Variants in KARS1 observed in about 807,000 individuals in gnomAD.
KARS1 encodes the protein lysine--tRNA ligase.
Under a neutral mutation model 63.9 loss-of-function variants are expected in KARS1, and 50 were observed. The ratio of observed to expected loss-of-function variants is 0.78; its 90% CI spans 0.62 to 0.99. KARS1 has a LOEUF of 0.99. Among genes scored for constraint, KARS1 ranks in the 50% least tolerant of loss-of-function variants. KARS1 has a pLI of 0.00. For missense variants in KARS1, 816 were observed against 754.5 expected (o/e 1.08, Z -0.95); for synonymous variants, 320 against 264.6 (o/e 1.21, Z -2.03).
chr16:75,630,809 A>AT (rs1471697925), intron 10 of KARS1, among the ~76,000 whole-genome samples: 1 of 151,506 alleles, frequency 6.6e-6, no homozygotes, highest in Non-Finnish European at 1.5e-5. Flanking sequence ...TCATTTTTGG[A>AT]TTTTTTGTAG....
chr16:75,640,136 G>C lies in KARS1; in HGVS notation c.388+48C>G, dbSNP rs201048266. The C allele has an allele frequency of 8.4e-6, 13 of 1,551,580 alleles. No individual in the cohort carries two copies. The East Asian group carries it at 2.5e-4, about 29-fold the overall frequency. On this transcript the variant is annotated intron_variant, in intron 3 of 13. Coordinates refer to ENST00000302445, the MANE Select transcript of KARS1 (RefSeq NM_005548.3). The stretch of plus-strand genomic sequence containing the variant: ...CTTCCCTTGTGCTACTGAAGCCGCA[G>C]GCCTACCTGCTGTGGGAGTTCAGTG...
rs1485114241 is a variant in KARS1, at chr16:75,636,067, T to C, written c.514A>G (p.Ile172Val). 3.7e-6 allele frequency: 6 copies of C among 1,600,090 alleles called. No individual in the cohort carries two copies. In the African/African-American group the frequency reaches 8.0e-5, roughly 21 times the overall value. The change falls in exon 5 of 14, where the codon ATT becomes GTT. Residue 172 changes from isoleucine (I) to valine (V), a missense_variant. By Grantham distance (29) the Ile-to-Val change is conservative (BLOSUM62 3). Coordinates refer to ENST00000302445, the MANE Select transcript of KARS1 (RefSeq NM_005548.3). ...TCTCCCCGACGCAGTTTGTTATTAA[T>C]ATGAATAAATTCTTCTTCTGATTTA... Reference protein sequence around the residue: ...NYKSEEEFIHINNKLRRGDII... With the variant: ...NYKSEEEFIHVNNKLRRGDII...
intron 1 of KARS1, among the ~76,000 whole-genome samples, chr16:75,646,862 T>C (rs2082291396): frequency 6.6e-6 from 1 of 152,120 alleles, no homozygotes; most frequent in Non-Finnish European, 1.5e-5. Context: ...CTAGCAATGA[T>C]AAAACACTCA....
At chr16:75,639,248 G>C (rs1330748331) in intron 3 of KARS1, among the ~76,000 whole-genome samples, 1 of 151,936 alleles carries the variant, frequency 6.6e-6, no homozygotes, top group Non-Finnish European at 1.5e-5. Context: ...GTGTATCTGA[G>C]AATACTGAAC....
chr16:75,638,803 T>C (rs181645298), intron 3 of KARS1, among the ~76,000 whole-genome samples: 67 of 152,170 alleles, frequency 4.4e-4, no homozygotes, highest in African/African-American at 1.4e-3. Context: ...AGAATCAAGA[T>C]GATCCAGTAT....
intron 3 of KARS1, chr16:75,639,753 G>A (rs1463263924): frequency 5.9e-6 from 1 of 168,506 alleles, no homozygotes; most frequent in Non-Finnish European, 1.3e-5. Flanking sequence ...TTACTATTTG[G>A]TGGGAGAGGG....
rs1381793007 is a variant in KARS1, at chr16:75,628,604, C to T, written c.1660G>A (p.Val554Ile). Residue 554 changes from valine (V) to isoleucine (I), a missense_variant, in exon 13 of 14, where the codon GTC becomes ATC. Transcript: ENST00000302445. ...TAGWGMGIDR[V>I]AMFLTDSNNI... is the part of the protein sequence containing the mutation. ...TTGGAGTCCGTGAGAAACATGGCGA[C>T]TCGATCAATGCCCATGCCCCAGCCA... The T allele has an allele frequency of 1.4e-5, 23 of 1,614,100 alleles. No homozygotes were observed. Among genetic ancestry groups the T allele is most frequent in the Non-Finnish European group, 1.9e-5 (23 of 1,180,026 alleles).
At chr16:75,636,269 A>G (rs16941400) in intron 4 of KARS1, among the ~76,000 whole-genome samples, 171 bp from the exon 5 acceptor site, 2,032 of 152,288 alleles carry the variant, frequency 0.013, 51 homozygotes, top group African/African-American at 0.047. Context: ...TTACTGTCAT[A>G]TAACTTGAGA....
rs767861629 is a variant in KARS1, at chr16:75,629,551, G to A, written c.1425-10C>T. 113 of 1,613,784 alleles carry A rather than the reference G, an allele frequency of 7.0e-5. No homozygotes were observed. Among genetic ancestry groups the A allele is most frequent in the Non-Finnish European group, 9.4e-5 (111 of 1,179,882 alleles). On this transcript the variant is annotated splice_polypyrimidine_tract_variant and intron_variant, in intron 11 of 13. Transcript: ENST00000302445. ...CTCTTTAGAGCGGTGCCTAGGGACA[G>A]GAGACCAAAGAGGAGGCTGAATATA...
At chr16:75,642,528 C>A (rs116801062) in intron 1 of KARS1, among the ~76,000 whole-genome samples, 1 of 151,978 alleles carries the variant, frequency 6.6e-6, no homozygotes, top group African/African-American at 2.4e-5. Flanking sequence ...CATGATAAGG[C>A]AACATCTCCA....
intron 3 of KARS1, chr16:75,639,955 T>G (rs2082204931): frequency 1.8e-6 from 1 of 566,956 alleles, no homozygotes; most frequent in Non-Finnish European, 3.1e-6. Flanking sequence ...AAGGGAATCC[T>G]TATAGAGAAA....
intron 3 of KARS1, among the ~76,000 whole-genome samples, chr16:75,639,158 G>C (rs2082195454): frequency 6.6e-6 from 1 of 151,716 alleles, no homozygotes; most frequent in South Asian, 2.1e-4. Flanking sequence ...ACAAGAGCAA[G>C]ACTTCGCCTC....
chr16:75,639,216 T>C (rs1213420924), intron 3 of KARS1, among the ~76,000 whole-genome samples: 3 of 151,876 alleles, frequency 2.0e-5, no homozygotes, highest in Non-Finnish European at 4.4e-5. Context: ...TACACAGATG[T>C]GAAAAGATCT....
rs1255628648 is a variant in KARS1, at chr16:75,627,911, A to G, written c.1778T>C (p.Val593Ala). The part of the protein sequence containing the change: ...ATTDTLESTT[V>A]GTSV ...TATTATTTTCTAGACAGAAGTGCCA[A>G]CTGTTGTGCTTTCCAGTGTATCAGT... The change falls in exon 14 of 14, where the codon GTT becomes GCT. Residue 593 changes from valine (V) to alanine (A), a missense_variant. Transcript: ENST00000302445. 1 of 1,595,034 alleles carries G rather than the reference A, an allele frequency of 6.3e-7. No homozygotes were observed. The highest frequency in any genetic ancestry group is 1.7e-5 in the Admixed American group (1 of 60,016).
intron 3 of KARS1, chr16:75,639,790 TTG>T (rs199538135): frequency 0.086 from 14,781 of 171,308 alleles, 2,105 homozygotes; most frequent in East Asian, 0.65. Context: ...TTTTTTTTTT[TTG>T]TTTTTTAAAT....
intron 7 of KARS1, among the ~76,000 whole-genome samples, chr16:75,633,683 AATTTTTGT>A (rs1214039643): frequency 1.3e-5 from 2 of 151,964 alleles, no homozygotes; most frequent in Non-Finnish European, 2.9e-5. Context: ...ACGCCCAGCT[AATTTTTGT>A]ATTTTTGTAG....
At chr16:75,643,404 G>A (rs1240045843) in intron 1 of KARS1, among the ~76,000 whole-genome samples, 3 of 148,934 alleles carry the variant, frequency 2.0e-5, no homozygotes, top group Non-Finnish European at 4.4e-5. Context: ...TTGAGACAGA[G>A]TCTCGCTGTG....
chr16:75,646,418 G>A (rs1179420899), intron 1 of KARS1, among the ~76,000 whole-genome samples: 2 of 151,884 alleles, frequency 1.3e-5, no homozygotes, highest in African/African-American at 4.8e-5. Flanking sequence ...GCACACGCCT[G>A]TAATCCCAGC....
At chr16:75,645,886 C>G (rs1394015663) in intron 1 of KARS1, among the ~76,000 whole-genome samples, 1 of 148,410 alleles carries the variant, frequency 6.7e-6, no homozygotes, top group African/African-American at 2.5e-5. Flanking sequence ...GAGGAATTAA[C>G]CAGTTTTTTC....
Sources: allele counts gnomAD v4.1 joint callset (sites outside exome capture counted in the v4.1 genomes callset), GRCh38; gene constraint gnomAD v4.1.1; transcripts MANE v1.5; gene names NCBI Gene and HGNC (gene_info 2026-07-23, HGNC 2026-07-21).